Variants in AFDN observed in about 807,000 individuals in gnomAD.
The protein encoded by AFDN is afadin, adherens junction formation factor.
In AFDN, 68 loss-of-function variants were observed where a neutral mutation model predicts 216.6. That is an observed-to-expected ratio of 0.31 (90% CI 0.26 to 0.38). The LOEUF (loss-of-function observed/expected upper bound fraction) is 0.38, where lower values mean the gene tolerates loss of function less well. AFDN is among the 10% of genes least tolerant of loss of function. The probability of loss-of-function intolerance (pLI) is 1.00; values close to 1 mark genes in which losing one functional copy is unlikely to be tolerated. For missense variants in AFDN, 2,136 were observed against 2,342.0 expected, an observed-to-expected ratio of 0.91 and a Z score of 1.82; for synonymous variants, 868 against 853.7, an observed-to-expected ratio of 1.02 and a Z score of -0.29.
chr6:167,835,867 G>A (rs1780369222), intron 1 of AFDN, among the ~76,000 whole-genome samples: 1 of 152,202 alleles, frequency 6.6e-6, no homozygotes, highest in Admixed American at 6.5e-5. Context: ...AGAATGTTTA[G>A]TGATGAGTTT....
At chr6:167,860,532 G>A (rs1487581124) in intron 1 of AFDN, among the ~76,000 whole-genome samples, 1 of 152,208 alleles carries the variant, frequency 6.6e-6, no homozygotes, top group Non-Finnish European at 1.5e-5. Flanking sequence ...ACCTGTGTGT[G>A]AGGTAGCATG....
At chr6:167,890,793 G>C (rs1271316138) in intron 7 of AFDN, 69 bp from the exon 8 acceptor site, 2 of 1,478,128 alleles carry the variant, frequency 1.4e-6, no homozygotes, top group Admixed American at 2.0e-5. Context: ...TTGCACAGTT[G>C]ACTGCCAGTC....
intron 12 of AFDN, among the ~76,000 whole-genome samples, chr6:167,904,812 T>G (rs1789448462): frequency 6.6e-6 from 1 of 152,152 alleles, no homozygotes; most frequent in Non-Finnish European, 1.5e-5. Context: ...GAGCAGCCTC[T>G]TCCATTCTAC....
chr6:167,930,001 C>A (rs995753244), intron 23 of AFDN, among the ~76,000 whole-genome samples: 2 of 152,008 alleles, frequency 1.3e-5, no homozygotes, highest in East Asian at 3.9e-4. Context: ...CCCAGGAGTT[C>A]GAGACCAGTC....
intron 1 of AFDN, among the ~76,000 whole-genome samples, chr6:167,833,663 T>G (rs1780072920): frequency 6.6e-6 from 1 of 152,182 alleles, no homozygotes; most frequent in Non-Finnish European, 1.5e-5. Context: ...TGTCAATTTT[T>G]TCACTGTTAA....
intron 1 of AFDN, among the ~76,000 whole-genome samples, chr6:167,853,384 A>G (rs1782531569): frequency 6.6e-6 from 1 of 152,072 alleles, no homozygotes; most frequent in Non-Finnish European, 1.5e-5. Flanking sequence ...AATTATTTGC[A>G]GATACTGACT....
At chr6:167,860,848 G>A (rs1176314915) in intron 1 of AFDN, among the ~76,000 whole-genome samples, 1 of 152,194 alleles carries the variant, frequency 6.6e-6, no homozygotes, top group Non-Finnish European at 1.5e-5. Context: ...GTAGGTGATG[G>A]TCTCAAGTCA....
chr6:167,848,776 C>T (rs934938124), intron 1 of AFDN, among the ~76,000 whole-genome samples: 1 of 152,128 alleles, frequency 6.6e-6, no homozygotes, highest in Non-Finnish European at 1.5e-5. Flanking sequence ...TGATTTCCGT[C>T]GGTGAGCATG....
rs748125826 is a variant in AFDN at position 167,914,295 on chromosome 6, T to C, written c.2186T>C (p.Leu729Ser). The C allele has an allele frequency of 3.6e-5, 58 of 1,613,026 alleles. No homozygotes were observed. The East Asian group carries it at 1.2e-3, about 32-fold the overall frequency. Residue 729 changes from leucine (L) to serine (S), a missense_variant, in exon 17 of 34, where the codon TTG becomes TCG. Physicochemically the swap from Leu to Ser is moderately radical, Grantham distance 145 (BLOSUM62 -2). Transcript: ENST00000683244. ...TLDAQDVLAHLVQMAFKYLVH... is the reference protein window; with the variant it reads ...TLDAQDVLAHSVQMAFKYLVH... Reference sequence around the variant, plus strand: ...GATGCTCAAGATGTTTTAGCACATTTGGTTCAAATGGCATTTAAGTAAGGA... The same window carrying C: ...GATGCTCAAGATGTTTTAGCACATTCGGTTCAAATGGCATTTAAGTAAGGA...
intron 23 of AFDN, among the ~76,000 whole-genome samples, chr6:167,931,906 A>G (rs2038240): frequency 0.13 from 19,280 of 152,082 alleles, 1,478 homozygotes; most frequent in South Asian, 0.23. Flanking sequence ...TGCTCCTGCC[A>G]CTGGCAGCCT....
intron 1 of AFDN, among the ~76,000 whole-genome samples, chr6:167,855,803 T>G (rs1782828606): frequency 6.6e-6 from 1 of 152,092 alleles, no homozygotes; most frequent in Admixed American, 6.6e-5. Flanking sequence ...AATACAACAC[T>G]TTTAGGGTAA....
chr6:167,861,787 G>T (rs1783605152), intron 1 of AFDN, among the ~76,000 whole-genome samples: 1 of 152,106 alleles, frequency 6.6e-6, no homozygotes, highest in East Asian at 1.9e-4. Flanking sequence ...GGAATTATTT[G>T]TTGGCAATTC....
Position 167,943,415 on chromosome 6 carries a change from C to T in AFDN, c.3179C>T (p.Ala1060Val). ...GGAADVDGRL[A>V]AGDQLLSVDG... ...GGATTTGCCTAGGATGGACGTCTAG[C>T]TGCAGGTGATCAGCTCCTCAGTGTG... Residue 1060 changes from alanine (A) to valine (V), a missense_variant, in exon 25 of 34, where the codon GCT (alanine) becomes GTT (valine). Transcript: ENST00000683244. 1 of 1,614,114 alleles carries T rather than the reference C, an allele frequency of 6.2e-7. No homozygotes were observed. The highest frequency in any genetic ancestry group is 1.1e-5 in the South Asian group (1 of 91,080).
At chr6:167,930,449 T>A (rs1415525173) in intron 23 of AFDN, among the ~76,000 whole-genome samples, 1 of 152,206 alleles carries the variant, frequency 6.6e-6, no homozygotes, top group Non-Finnish European at 1.5e-5. Context: ...GTTTGCAGAA[T>A]GTCTAAACTG....
chr6:167,962,422 C>CCTG lies in AFDN; in HGVS notation c.4834-10_4834-8dup. 6.2e-7 allele frequency: 1 copy of CCTG among 1,613,164 alleles called. No individual in the cohort carries two copies. The highest frequency in any genetic ancestry group is 8.5e-7 in the Non-Finnish European group (1 of 1,179,708). Reference sequence around the variant, plus strand: ...GTTTGTGGAGGGAGATTAATGTCAGCCTGTTGTTAGTTGCAGGACGAGGAG... The same window carrying CCTG: ...GTTTGTGGAGGGAGATTAATGTCAGCCTGCTGTTGTTAGTTGCAGGACGAGGAG... On this transcript the variant is annotated splice_polypyrimidine_tract_variant and intron_variant, in intron 30 of 33. Coordinates refer to ENST00000683244, the MANE Select transcript of AFDN (RefSeq NM_001386888.1). This position sits in a 1 kb window ranked among gnomAD's most constrained non-coding sequence, Gnocchi z 5.2.
intron 30 of AFDN, 110 bp downstream of exon 30, chr6:167,952,297 C>T: frequency 1.3e-6 from 2 of 1,570,442 alleles, no homozygotes; most frequent in South Asian, 1.2e-5. Context: ...TTAAAAGGGC[C>T]CCTAGGCTTA....
chr6:167,841,752 C>A lies in AFDN; in HGVS notation c.105+14515C>A, dbSNP rs188429898. ...AGTTAGAGTGTTTCAATTTATGTTG[C>A]TAATTTTTTTTTTCTACTACTGGAA... On this transcript the variant is annotated intron_variant, in intron 1 of 33. Transcript: ENST00000683244. Among the ~76,000 whole-genome samples, 1,062 of 151,842 alleles carry A rather than the reference C, an allele frequency of 7.0e-3. 15 individuals are homozygous for A. The highest frequency in any genetic ancestry group is 0.024 in the African/African-American group (1,009 of 41,330).
At chr6:167,924,887 A>C in intron 22 of AFDN, 118 bp from the exon 23 acceptor site, 1 of 792,876 alleles carries the variant, frequency 1.3e-6, no homozygotes. Context: ...TTATCTTCTC[A>C]TCCTTTTTCT....
At chr6:167,918,677 G>A (rs1369553026) in intron 20 of AFDN, 58 bp from the exon 21 acceptor site, 1 of 1,520,052 alleles carries the variant, frequency 6.6e-7, no homozygotes, top group Non-Finnish European at 9.1e-7. Context: ...ATAGTTGTTG[G>A]TCACATGCAC....
Sources: allele counts gnomAD v4.1 joint callset (sites outside exome capture counted in the v4.1 genomes callset), GRCh38; gene constraint gnomAD v4.1.1; non-coding constraint Gnocchi (gnomAD v3.1); transcripts MANE v1.5; gene names NCBI Gene and HGNC (gene_info 2026-07-23, HGNC 2026-07-21).